SCN9A: variants seen among roughly 807,000 people sequenced by gnomAD.
SCN9A encodes the protein sodium channel protein type 9 subunit alpha.
SCN9A carries 131 observed loss-of-function variants against 187.0 expected under a neutral mutation model. The ratio of observed to expected loss-of-function variants is 0.70; its 90% CI spans 0.61 to 0.81. The LOEUF (loss-of-function observed/expected upper bound fraction) is 0.81, where lower values mean the gene tolerates loss of function less well. SCN9A is among the 30% of genes least tolerant of loss of function. SCN9A has a pLI of 0.00. For missense variants in SCN9A, 2,252 were observed against 2,396.6 expected (o/e 0.94, Z 1.26); for synonymous variants, 809 against 808.6 (o/e 1.00, Z -0.01).
intron 24 of SCN9A, among the ~76,000 whole-genome samples, chr2:166,225,608 T>G (rs1694813717): frequency 6.6e-6 from 1 of 152,194 alleles, no homozygotes; most frequent in Non-Finnish European, 1.5e-5. Context: ...TTGGATTGTG[T>G]GCCCTAAGAA....
At chr2:166,210,395 G>T (rs557788111) in intron 24 of SCN9A, among the ~76,000 whole-genome samples, 1 of 151,570 alleles carries the variant, frequency 6.6e-6, no homozygotes, top group South Asian at 2.1e-4. Flanking sequence ...CACCAACATG[G>T]CACATGTATA....
At chr2:166,206,318 G>T (rs1693803493) in intron 24 of SCN9A, among the ~76,000 whole-genome samples, 1 of 152,112 alleles carries the variant, frequency 6.6e-6, no homozygotes, top group African/African-American at 2.4e-5. Flanking sequence ...TATACACCAT[G>T]GAATACTATG....
At chr2:166,309,377 G>C (rs1698867339) in intron 2 of SCN9A, among the ~76,000 whole-genome samples, 1 of 151,880 alleles carries the variant, frequency 6.6e-6, no homozygotes, top group African/African-American at 2.4e-5. Context: ...ATTATTAGCA[G>C]GAAAAAATAG....
intron 24 of SCN9A, among the ~76,000 whole-genome samples, chr2:166,207,174 TC>T (rs1410769644): frequency 7.2e-5 from 11 of 152,134 alleles, no homozygotes; most frequent in Admixed American, 1.3e-4. Context: ...ATTAGTATAA[TC>T]CATATAATTA....
chr2:166,231,850 T>G (rs1695100765), intron 21 of SCN9A, among the ~76,000 whole-genome samples: 1 of 152,268 alleles, frequency 6.6e-6, no homozygotes, highest in Admixed American at 6.5e-5. Flanking sequence ...TAAACCACAC[T>G]TAAAGTATCA....
intron 7 of SCN9A, 81 bp downstream of exon 7, chr2:166,303,009 G>T: frequency 9.1e-7 from 1 of 1,093,150 alleles, no homozygotes; most frequent in South Asian, 1.5e-5. Flanking sequence ...TGATTAAAAT[G>T]AAAGCAACAT....
chr2:166,344,946 GC>G (rs1699866263), intron 1 of SCN9A, among the ~76,000 whole-genome samples: 1 of 152,138 alleles, frequency 6.6e-6, no homozygotes, highest in South Asian at 2.1e-4. Flanking sequence ...TTTGCCAGAA[GC>G]TTTTTCTCGA....
At position 166,198,986 on chromosome 2, in the gene SCN9A, T is replaced by G. The variant is rs772373532; in HGVS notation, c.5653A>C (p.Lys1885Gln). The G allele has an allele frequency of 1.2e-6, 2 of 1,614,078 alleles. No homozygotes were observed. Among genetic ancestry groups the G allele is most frequent in the South Asian group, 2.2e-5 (2 of 91,082 alleles). Residue 1885 changes from lysine (K) to glutamine (Q), a missense_variant, in exon 27 of 27, where the codon AAA becomes CAA. Lys to Gln is a moderately conservative substitution (Grantham distance 53). Around this residue, in one of 7 missense-constraint regions of SCN9A, gnomAD observed 345 missense variants for 344.6 expected, o/e 1.00. Transcript: ENST00000642356. The part of the protein sequence containing the change: ...VSYEPITTTL[K>Q]RKQEDVSATV... ...GCAGACACATCCTCTTGTTTCCGTT[T>G]TAGTGTGGTTGTGATGGGTTCATAG...
chr2:166,232,752 TAGAGAG>T (rs71031232), intron 21 of SCN9A, among the ~76,000 whole-genome samples: 12,882 of 50,708 alleles, frequency 0.25, 596 homozygotes, highest in East Asian at 0.4. Flanking sequence ...TATATATATA[TAGAGAG>T]AGAGAGAGTA....
At chr2:166,237,840 CAT>C (rs1695388862) in intron 20 of SCN9A, among the ~76,000 whole-genome samples, 1 of 152,038 alleles carries the variant, frequency 6.6e-6, no homozygotes, top group South Asian at 2.1e-4. Flanking sequence ...TTGCAGAAAA[CAT>C]AAAAAACTCA....
chr2:166,266,685 A>G (rs1458993132), intron 17 of SCN9A, among the ~76,000 whole-genome samples: 1 of 151,600 alleles, frequency 6.6e-6, no homozygotes, highest in East Asian at 1.9e-4. Context: ...TAATTATTCT[A>G]ATCCATGAAC....
At chr2:166,365,036 T>C (rs1263653249) in intron 1 of SCN9A, among the ~76,000 whole-genome samples, 1 of 152,092 alleles carries the variant, frequency 6.6e-6, no homozygotes, top group African/African-American at 2.4e-5. Context: ...GAAATAATCA[T>C]ATAATAAACA....
chr2:166,370,687 CTTAT>C (rs1299601568), intron 1 of SCN9A, among the ~76,000 whole-genome samples: 5 of 151,614 alleles, frequency 3.3e-5, no homozygotes, highest in Admixed American at 2.6e-4. Flanking sequence ...TGCTTCTAAT[CTTAT>C]TTATCTTTCT....
intron 12 of SCN9A, among the ~76,000 whole-genome samples, chr2:166,282,998 T>C (rs1006689995): frequency 6.6e-5 from 10 of 152,200 alleles, no homozygotes; most frequent in Admixed American, 5.2e-4. Flanking sequence ...GCCACAATTT[T>C]ATGTTTACTG....
chr2:166,286,798 T>C (rs1212580724), intron 10 of SCN9A, among the ~76,000 whole-genome samples, 175 bp from the exon 11 acceptor site: 1 of 152,182 alleles, frequency 6.6e-6, no homozygotes, highest in African/African-American at 2.4e-5. Context: ...AAGTATATAT[T>C]TGGTTTTTGT....
chr2:166,322,030 C>T (rs1559041101), intron 1 of SCN9A, among the ~76,000 whole-genome samples: 2 of 152,030 alleles, frequency 1.3e-5, no homozygotes, highest in African/African-American at 2.4e-5. Context: ...TTTTAAAACG[C>T]TGATCTTCCA....
intron 17 of SCN9A, among the ~76,000 whole-genome samples, chr2:166,267,057 C>A (rs1288066095): frequency 6.6e-6 from 1 of 151,786 alleles, no homozygotes; most frequent in Non-Finnish European, 1.5e-5. Context: ...CTTTCTCTTG[C>A]CTGATTGCTC....
intron 17 of SCN9A, among the ~76,000 whole-genome samples, chr2:166,256,964 A>G (rs1696304430): frequency 6.6e-6 from 1 of 151,666 alleles, no homozygotes; most frequent in African/African-American, 2.4e-5. Flanking sequence ...AAGCAACAAC[A>G]GTTGGCCATG....
At chr2:166,220,371 G>A (rs772753991) in intron 24 of SCN9A, among the ~76,000 whole-genome samples, 5 of 152,200 alleles carry the variant, frequency 3.3e-5, no homozygotes, top group Non-Finnish European at 7.4e-5. Flanking sequence ...TTTAAGTTAT[G>A]AGAATTTTAC....
Sources: allele counts gnomAD v4.1 joint callset (sites outside exome capture counted in the v4.1 genomes callset), GRCh38; gene constraint gnomAD v4.1.1; regional missense constraint gnomAD v4.1.1; transcripts MANE v1.5; gene names NCBI Gene and HGNC (gene_info 2026-07-23, HGNC 2026-07-21).